STIM1: variants seen among roughly 807,000 people sequenced by gnomAD.
STIM1 encodes stromal interaction molecule 1.
A neutral mutation model predicts 74.7 loss-of-function variants in STIM1; 25 were observed. The observed-to-expected ratio is 0.33, with a 90% confidence interval of 0.24 to 0.47. The LOEUF (loss-of-function observed/expected upper bound fraction) is 0.47. Among genes scored for constraint, STIM1 ranks in the 20% least tolerant of loss-of-function variants. The pLI, the probability that STIM1 is intolerant of heterozygous loss-of-function variation, is 1.00. For synonymous variants in STIM1, 328 were observed against 348.8 expected (o/e 0.94, Z 0.66); for missense variants, 728 against 920.8 (o/e 0.79, Z 2.71).
chr11:4,092,234 G>A lies in STIM1; in HGVS notation c.*436G>A, dbSNP rs1413169108. ...AGGGAAGATAGGACGAGTAGCTTCT[G>A]ACATGTGTGCCTCAGATCTGTTCCA... On this transcript the variant is annotated 3_prime_UTR_variant, in exon 13 of 13. Transcript: ENST00000526596. 1 of 303,542 alleles carries A rather than the reference G, an allele frequency of 3.3e-6. No individual in the cohort carries two copies. Among genetic ancestry groups the A allele is most frequent in the Non-Finnish European group, 6.4e-6 (1 of 155,360 alleles). The allele number at this position is 303,542 out of a possible 1,614,324, so 18.8% of individuals were successfully genotyped here.
intron 2 of STIM1, among the ~76,000 whole-genome samples, chr11:4,023,018 T>C (rs2136015210): frequency 6.6e-6 from 1 of 152,280 alleles, no homozygotes; most frequent in East Asian, 1.9e-4. Flanking sequence ...TATCAAACAA[T>C]TTGTGGACAT....
chr11:4,091,227 C>T, intron 12 of STIM1, 55 bp from the exon 13 acceptor site: 1 of 1,611,720 alleles, frequency 6.2e-7, no homozygotes, highest in Non-Finnish European at 8.5e-7. Flanking sequence ...CGCCTTTCCC[C>T]TATCACCTCA....
At chr11:3,932,067 T>C (rs10767720) in intron 1 of STIM1, among the ~76,000 whole-genome samples, 54,098 of 152,062 alleles carry the variant, frequency 0.36, 9,864 homozygotes, top group South Asian at 0.49. Context: ...CTGTCCAGCC[T>C]GCTGCGACTG....
chr11:4,001,102 G>A (rs1232430813), intron 2 of STIM1, among the ~76,000 whole-genome samples: 13 of 152,270 alleles, frequency 8.5e-5, no homozygotes, highest in South Asian at 2.1e-4. Context: ...GACCAAATCT[G>A]CGTCTGATTG....
intron 2 of STIM1, among the ~76,000 whole-genome samples, chr11:3,993,065 G>T (rs199803864): frequency 1.5e-5 from 2 of 132,786 alleles, no homozygotes. Flanking sequence ...GAGCTTTTTT[G>T]AAAAAAAAAA....
intron 1 of STIM1, among the ~76,000 whole-genome samples, chr11:3,932,685 A>G (rs2092882975): frequency 6.6e-6 from 1 of 150,904 alleles, no homozygotes; most frequent in Non-Finnish European, 1.5e-5. Context: ...AAAAAAAAAA[A>G]AGAAAAGAAA....
intron 2 of STIM1, among the ~76,000 whole-genome samples, chr11:3,970,816 G>A (rs193101969): frequency 2.6e-5 from 4 of 152,206 alleles, no homozygotes; most frequent in Admixed American, 2.6e-4. Context: ...TGATATACGT[G>A]AAGTAATGAA....
At chr11:4,090,170 C>T (rs146407627) in intron 12 of STIM1, among the ~76,000 whole-genome samples, 1 of 152,274 alleles carries the variant, frequency 6.6e-6, no homozygotes, top group Non-Finnish European at 1.5e-5. Flanking sequence ...CATCTTCATT[C>T]CCACAATAAT....
chr11:3,914,428 C>T (rs1461162896), intron 1 of STIM1, among the ~76,000 whole-genome samples: 1 of 151,818 alleles, frequency 6.6e-6, no homozygotes, highest in Non-Finnish European at 1.5e-5. Flanking sequence ...TGTACTTGTT[C>T]CAGTACCTGT....
chr11:4,037,342 C>A (rs1488502312), intron 3 of STIM1, among the ~76,000 whole-genome samples: 1 of 152,222 alleles, frequency 6.6e-6, no homozygotes, highest in Non-Finnish European at 1.5e-5. Context: ...TGAGCCACTG[C>A]ATCCAGCCTG....
At chr11:3,959,422 A>G (rs916140012) in intron 1 of STIM1, among the ~76,000 whole-genome samples, 1 of 152,170 alleles carries the variant, frequency 6.6e-6, no homozygotes, top group African/African-American at 2.4e-5. Context: ...TTTTTAATTA[A>G]TTAATTCACA....
intron 1 of STIM1, among the ~76,000 whole-genome samples, chr11:3,946,539 T>G (rs2093076271): frequency 6.6e-6 from 1 of 152,170 alleles, no homozygotes; most frequent in South Asian, 2.1e-4. Flanking sequence ...CTGCCTGCCC[T>G]GCTTGTTCTT....
At chr11:4,005,343 A>G (rs975689803) in intron 2 of STIM1, among the ~76,000 whole-genome samples, 17 of 152,320 alleles carry the variant, frequency 1.1e-4, no homozygotes, top group South Asian at 2.1e-4. Context: ...CAAATGTCCA[A>G]CAATGATAGA....
At chr11:3,878,157 A>G (rs747244639) in intron 1 of STIM1, among the ~76,000 whole-genome samples, 15 of 152,088 alleles carry the variant, frequency 9.9e-5, no homozygotes, top group Middle Eastern at 3.2e-3. Context: ...GGAGCTGAGC[A>G]TTGCTGTAGG....
chr11:3,865,984 G>C (rs2090840990), intron 1 of STIM1, among the ~76,000 whole-genome samples: 1 of 152,212 alleles, frequency 6.6e-6, no homozygotes. Context: ...ATCCGGAAAT[G>C]AGCCAACAGC....
At chr11:3,916,450 A>AT (rs113404071) in intron 1 of STIM1, among the ~76,000 whole-genome samples, 2,271 of 126,058 alleles carry the variant, frequency 0.018, 59 homozygotes, top group African/African-American at 0.059. Flanking sequence ...ACCACACCCA[A>AT]TTTTTTTTTT....
chr11:3,909,088 T>C (rs1286150104), intron 1 of STIM1, among the ~76,000 whole-genome samples: 1 of 152,186 alleles, frequency 6.6e-6, no homozygotes, highest in Non-Finnish European at 1.5e-5. Context: ...GTCACTTTTC[T>C]TTCCTGAGTT....
intron 3 of STIM1, among the ~76,000 whole-genome samples, chr11:4,035,289 T>C (rs961855592): frequency 3.3e-5 from 5 of 151,756 alleles, no homozygotes; most frequent in Admixed American, 3.3e-4. Context: ...TTTCCTCTTT[T>C]CCAACTGATT....
At chr11:3,992,929 G>A (rs1355259955) in intron 2 of STIM1, among the ~76,000 whole-genome samples, 1 of 151,964 alleles carries the variant, frequency 6.6e-6, no homozygotes, top group Non-Finnish European at 1.5e-5. Flanking sequence ...AAATCCTGTG[G>A]GTTCTCCTTT....
Sources: allele counts gnomAD v4.1 joint callset (sites outside exome capture counted in the v4.1 genomes callset), GRCh38; gene constraint gnomAD v4.1.1; transcripts MANE v1.5; gene names NCBI Gene and HGNC (gene_info 2026-07-23, HGNC 2026-07-21).